Variants in POLI observed in about 807,000 individuals in gnomAD.
POLI encodes the protein DNA polymerase iota.
Under a neutral mutation model 51.6 loss-of-function variants are expected in POLI, and 58 were observed. That is an observed-to-expected ratio of 1.12 (90% CI 0.91 to 1.40). POLI has a LOEUF of 1.40. POLI is among the 40% of genes most tolerant of loss of function. The pLI is 0.00. For synonymous variants in POLI, 322 were observed against 299.7 expected, an observed-to-expected ratio of 1.07 and a Z score of -0.77; for missense variants, 921 against 871.3, an observed-to-expected ratio of 1.06 and a Z score of -0.72.
rs2088389302 is a variant in POLI, at chr18:54,297,430, A to T, written c.*2963A>T. 2 of 982,390 alleles carry T rather than the reference A, an allele frequency of 2.0e-6. No individual in the cohort carries two copies. Among genetic ancestry groups the T allele is most frequent in the African/African-American group, 3.5e-5 (2 of 57,246 alleles). The allele number at this position is 982,390 out of a possible 1,614,324, so 60.9% of individuals were successfully genotyped here. On this transcript the variant is annotated 3_prime_UTR_variant, in exon 10 of 10. Transcript: ENST00000579534. The stretch of plus-strand genomic sequence containing the variant: ...TGGAGATTTCCCTTATATGGTACAA[A>T]CCAGCAATGAATTAAGAGGTCTCTT...
chr18:54,294,415 T>G lies in POLI; in HGVS notation c.2171T>G (p.Leu724Arg), dbSNP rs1318870283. Reference protein sequence around the residue: ...YELPEAVQKELLAEWKRAGSD... With the variant: ...YELPEAVQKERLAEWKRAGSD... ...CTACCAGAAGCAGTACAAAAGGAAC[T>G]GCTGGCAGAGTGGAAGAGAGCAGGA... The change falls in exon 10 of 10, where the codon CTG becomes CGG. Residue 724 changes from leucine (L) to arginine (R), a missense_variant. Transcript: ENST00000579534. 1.9e-6 allele frequency: 3 copies of G among 1,612,432 alleles called. No individual in the cohort carries two copies. Among genetic ancestry groups the G allele is most frequent in the Non-Finnish European group, 2.5e-6 (3 of 1,179,260 alleles).
At chr18:54,298,588 CTT>C (rs145052748), downstream of POLI, among the ~76,000 whole-genome samples, 199 of 114,884 alleles carry the variant, frequency 1.7e-3, no homozygotes, top group African/African-American at 5.9e-3. Context: ...ACTACAGAAT[CTT>C]TTTTTTTTTT....
intron 7 of POLI, among the ~76,000 whole-genome samples, chr18:54,284,889 G>GTA (rs1462354563): frequency 6.6e-6 from 1 of 152,174 alleles, no homozygotes; most frequent in African/African-American, 2.4e-5. Flanking sequence ...CCACAGATGA[G>GTA]TATTATCTGT....
At chr18:54,271,521 TGATTA>T (rs1392024845) in intron 2 of POLI, 36 bp downstream of exon 2, 13 of 1,385,550 alleles carry the variant, frequency 9.4e-6, no homozygotes, top group South Asian at 2.6e-5. Context: ...AATTGCATAA[TGATTA>T]GATTAGCAAC....
At chr18:54,276,767 G>T (rs2087258428) in intron 3 of POLI, among the ~76,000 whole-genome samples, 1 of 152,060 alleles carries the variant, frequency 6.6e-6, no homozygotes, top group Non-Finnish European at 1.5e-5. Context: ...CCCTCACATT[G>T]TCAATGTTGA....
intron 8 of POLI, among the ~76,000 whole-genome samples, chr18:54,289,987 TTAAAC>T (rs2087927753): frequency 6.6e-6 from 1 of 152,130 alleles, no homozygotes; most frequent in Non-Finnish European, 1.5e-5. Flanking sequence ...TGGGACCTAA[TTAAAC>T]TAAAGAGCTT....
In POLI at chr18:54,273,993, T is replaced by C; in HGVS notation, c.309T>C (p.Leu103=). The change falls in exon 3 of 10, where the codon CTT becomes CTC. Residue 103 remains leucine (L), a synonymous_variant. Coordinates refer to ENST00000579534, the MANE Select transcript of POLI (RefSeq NM_007195.3). The part of the protein sequence containing the change: ...YEARKLGVKK[L]MNVRDAKEKC... ...CTAGGAAACTTGGAGTTAAGAAACT[T>C]ATGAATGTCAGAGATGCAAAAGAAA... The C allele has an allele frequency of 6.3e-7, 1 of 1,584,972 alleles. No homozygotes were observed. Among genetic ancestry groups the C allele is most frequent in the Non-Finnish European group, 8.6e-7 (1 of 1,163,860 alleles).
rs2087591426 is a variant in POLI, at chr18:54,283,131, T to C, written c.975+116T>C. 1.0e-5 allele frequency: 6 copies of C among 577,556 alleles called. No homozygotes were observed. The East Asian group carries it at 1.4e-4, about 14-fold the overall frequency. 35.8% of individuals were successfully genotyped at this position (577,556 alleles called of 1,614,324 possible). A position where few individuals can be genotyped will look rare whatever the true frequency, so the allele number is the denominator to read the frequency against. On this transcript the variant is annotated intron_variant, in intron 6 of 9. Coordinates refer to ENST00000579534, the MANE Select transcript of POLI (RefSeq NM_007195.3). ...TAGTTTGCTTAGTATGTGATCCCTT[T>C]CCTATTAGAAGGCTGATTTATTATT... is the stretch of plus-strand genomic sequence containing the variant.
chr18:54,282,983 A>G lies in POLI; in HGVS notation c.943A>G (p.Asn315Asp), dbSNP rs112212191. Residue 315 changes from asparagine to aspartate, a missense_variant, in exon 6 of 10, where the codon AAC becomes GAC. By Grantham distance (23) the Asn-to-Asp change is conservative. Transcript: ENST00000579534. The part of the protein sequence containing the change: ...RIQKLSFGED[N>D]SPVILSGPPQ... The stretch of plus-strand genomic sequence containing the variant: ...CCAAAAGCTCAGTTTTGGAGAGGAT[A>G]ACTCCCCTGTGATACTCTCAGGACC... 471 of 1,610,452 alleles carry G rather than the reference A, an allele frequency of 2.9e-4. 7 individuals carry two copies. The African/African-American group carries it at 5.0e-3, about 17-fold the overall frequency.
chr18:54,288,836 C>CT (rs1361883772), intron 8 of POLI, among the ~76,000 whole-genome samples: 1 of 151,904 alleles, frequency 6.6e-6, no homozygotes, highest in Admixed American at 6.6e-5. Context: ...CAAGATTCTC[C>CT]TTTTTTTGTA....
chr18:54,318,673 CAT>C (rs1422270143), intron 3 of POLI, among the ~76,000 whole-genome samples: 2 of 152,094 alleles, frequency 1.3e-5, no homozygotes, highest in African/African-American at 4.8e-5. Flanking sequence ...CCCTATAAAA[CAT>C]AATTTGTCAA....
chr18:54,313,978 C>T (rs1440745523), intron 3 of POLI, among the ~76,000 whole-genome samples: 1 of 152,054 alleles, frequency 6.6e-6, no homozygotes, highest in East Asian at 1.9e-4. Context: ...CCAGGATTTC[C>T]AGTACTGTTG....
intron 8 of POLI, 158 bp downstream of exon 8, chr18:54,287,569 GTTGT>G (rs1479675237): frequency 1.3e-5 from 7 of 546,142 alleles, no homozygotes; most frequent in Non-Finnish European, 2.3e-5. Flanking sequence ...GGAAAACTTT[GTTGT>G]TTGTTTATTT....
At chr18:54,307,907 G>GTT (rs146438469) in intron 3 of POLI, among the ~76,000 whole-genome samples, 37,434 of 144,984 alleles carry the variant, frequency 0.26, 4,908 homozygotes, top group Middle Eastern at 0.3. Context: ...TTCAACCCCT[G>GTT]TTTTTTTTTT....
Position 54,295,017 on chromosome 18 carries a change from C to T in POLI, c.*550C>T. Reference sequence around the variant, plus strand: ...GCTTCTTCATACACCAAGAATCTACCACAATACACAGCACACAAAGGCCGT... The same window carrying T: ...GCTTCTTCATACACCAAGAATCTACTACAATACACAGCACACAAAGGCCGT... On this transcript the variant is annotated 3_prime_UTR_variant, in exon 10 of 10. Coordinates refer to ENST00000579534, the MANE Select transcript of POLI (RefSeq NM_007195.3). 1.2e-5 allele frequency: 12 copies of T among 985,042 alleles called. No individual in the cohort carries two copies. Among genetic ancestry groups the T allele is most frequent in the Non-Finnish European group, 1.4e-5 (12 of 829,724 alleles). The allele number at this position is 985,042 out of a possible 1,614,324, so 61.0% of individuals were successfully genotyped here.
rs1389044611 is a variant in POLI, at chr18:54,293,828, C to A, written c.1584C>A (p.Asp528Glu). The A allele has an allele frequency of 1.2e-6, 2 of 1,609,288 alleles. No individual in the cohort carries two copies. Among genetic ancestry groups the A allele is most frequent in the Non-Finnish European group, 1.7e-6 (2 of 1,177,060 alleles). The part of the protein sequence containing the change: ...FPLCSLPEGV[D>E]QEVFKQLPVD... Reference sequence around the variant, plus strand: ...TCTGTTCACTTCCTGAAGGTGTTGACCAAGAAGTCTTCAAGCAGCTTCCAG... The same window carrying A: ...TCTGTTCACTTCCTGAAGGTGTTGAACAAGAAGTCTTCAAGCAGCTTCCAG... The change falls in exon 10 of 10, where the codon GAC becomes GAA. Residue 528 changes from aspartate to glutamate, a missense_variant. Transcript: ENST00000579534.
Position 54,318,242 on chromosome 18 carries a change from A to C in POLI, c.334-2031A>C, listed in dbSNP as rs574271958. Among the ~76,000 whole-genome samples, 3 of 152,248 alleles carry C rather than the reference A, an allele frequency of 2.0e-5. No homozygotes were observed. The East Asian group carries it at 5.8e-4, about 29-fold the overall frequency. ...ATTCTAAGATAGTAGTAATAATAGG[A>C]GCTGGGTTTAGTTTGACCAAATACT... On this transcript the variant is annotated intron_variant, in intron 3 of 4. Coordinates refer to the POLI transcript ENST00000579823.
At position 54,284,024 on chromosome 18, in the gene POLI, A is replaced by G. The variant is rs1391926007; in HGVS notation, c.1067+11A>G. ...TAGTCTTTTAAACAGGTGATTTTCAATCCATTTTGCCAAGTCATCCTATGT... is the reference window on the plus strand; with the variant it reads ...TAGTCTTTTAAACAGGTGATTTTCAGTCCATTTTGCCAAGTCATCCTATGT... On this transcript the variant is annotated intron_variant, in intron 7 of 9. Transcript: ENST00000579534. The G allele has an allele frequency of 2.7e-5, 32 of 1,174,596 alleles. 1 individual carries two copies. The East Asian group carries it at 7.7e-4, about 28-fold the overall frequency. The allele number at this position is 1,174,596 out of a possible 1,614,324, so 72.8% of individuals were successfully genotyped here.
intron 3 of POLI, among the ~76,000 whole-genome samples, chr18:54,305,241 G>T (rs1027987796): frequency 5.3e-5 from 8 of 152,148 alleles, no homozygotes; most frequent in African/African-American, 1.4e-4. Flanking sequence ...TCTTGGCTGT[G>T]TGGGCTCTTT....
Sources: gnomAD v4.1 joint callset for allele counts (sites outside exome capture counted in the v4.1 genomes callset) on GRCh38, gnomAD v4.1.1 for gene constraint, MANE v1.5 for transcripts, NCBI Gene and HGNC (gene_info 2026-07-23, HGNC 2026-07-21) for gene names.